Variants in NECTIN3 observed in about 807,000 individuals in gnomAD.
NECTIN3 encodes nectin-3.
In NECTIN3, 8 loss-of-function variants were observed where a neutral mutation model predicts 49.4. The observed-to-expected ratio is 0.16, with a 90% CI of 0.10 to 0.29. The LOEUF (loss-of-function observed/expected upper bound fraction) is 0.29, where lower values mean the gene tolerates loss of function less well. NECTIN3 is among the 10% of genes least tolerant of loss of function. The pLI is 1.00. For synonymous variants in NECTIN3, 277 were observed against 241.1 expected (o/e 1.15, Z -1.38); for missense variants, 581 against 654.6 (o/e 0.89, Z 1.23).
At chr3:111,076,363 A>G (rs998870229) in intron 1 of NECTIN3, among the ~76,000 whole-genome samples, 1 of 152,130 alleles carries the variant, frequency 6.6e-6, no homozygotes, top group Non-Finnish European at 1.5e-5. Context: ...ATCTATTAAA[A>G]TCTTCATAAA....
At chr3:111,141,779 T>C (rs1021655184), downstream of NECTIN3, among the ~76,000 whole-genome samples, 6 of 151,958 alleles carry the variant, frequency 3.9e-5, no homozygotes, top group Non-Finnish European at 7.4e-5. Context: ...TTTTGTCTTG[T>C]TTTCTGCCTC....
At chr3:111,118,568 C>T in intron 2 of NECTIN3, 88 bp from the exon 3 acceptor site, 1 of 1,192,846 alleles carries the variant, frequency 8.4e-7, no homozygotes, top group Non-Finnish European at 1.1e-6. Flanking sequence ...TGTCCTTAAG[C>T]TTGTGAAATA....
Position 111,154,781 on chromosome 3 carries a change from T to C in NECTIN3, c.1221+7297T>C, listed in dbSNP as rs112497108. Among the ~76,000 whole-genome samples, 475 of 152,318 alleles carry C rather than the reference T, an allele frequency of 3.1e-3. 2 individuals are homozygous for C. Among genetic ancestry groups the C allele is most frequent in the African/African-American group, 0.011 (449 of 41,576 alleles). ...TTCATTTGCTGGTTTGTCATCAGTT[T>C]ATATTCTTTGGTGAAATATCTGTTC... On this transcript the variant is annotated intron_variant, in intron 7 of 8. Transcript: ENST00000493615.
chr3:111,105,280 T>TG (rs2033128838), intron 1 of NECTIN3, among the ~76,000 whole-genome samples: 1 of 151,822 alleles, frequency 6.6e-6, no homozygotes, highest in South Asian at 2.1e-4. Flanking sequence ...ATAGCTGGGG[T>TG]GAGCCACCAT....
intron 1 of NECTIN3, among the ~76,000 whole-genome samples, chr3:111,085,937 T>C (rs1169296393): frequency 6.6e-6 from 1 of 152,204 alleles, no homozygotes; most frequent in Non-Finnish European, 1.5e-5. Flanking sequence ...ACCAATAATG[T>C]TTGAGAGTTT....
At position 111,071,984 on chromosome 3, in the gene NECTIN3, C is replaced by T. The variant is rs1472914026; in HGVS notation, c.-34C>T. ...CGCCGGGGCCGGGGGAGCCGGGGGG[C>T]GGGCGGGCGAGCGGGCCGGGGGGAG... On this transcript the variant is annotated 5_prime_UTR_variant, in exon 1 of 6. Coordinates refer to ENST00000485303, the MANE Select transcript of NECTIN3 (RefSeq NM_015480.3). 5 of 1,035,500 alleles carry T rather than the reference C, an allele frequency of 4.8e-6. No homozygotes were observed. The highest frequency in any genetic ancestry group is 2.8e-5 in the African/African-American group (1 of 35,806). The allele number at this position is 1,035,500 out of a possible 1,614,324, so 64.1% of individuals were successfully genotyped here.
chr3:111,188,055 G>A (rs2035753057), upstream of NECTIN3, among the ~76,000 whole-genome samples: 1 of 152,156 alleles, frequency 6.6e-6, no homozygotes, highest in African/African-American at 2.4e-5. Flanking sequence ...GGAATTATTT[G>A]TACTTTCCAC....
intron 5 of NECTIN3, among the ~76,000 whole-genome samples, chr3:111,129,058 T>C (rs974481315): frequency 2.6e-4 from 39 of 152,210 alleles, no homozygotes; most frequent in African/African-American, 7.7e-4. Context: ...GAGTCACTAC[T>C]GGACTCCTTG....
chr3:111,138,602 G>GT (rs1559804294), downstream of NECTIN3, among the ~76,000 whole-genome samples: 1 of 151,350 alleles, frequency 6.6e-6, no homozygotes, highest in African/African-American at 2.4e-5. Context: ...TTGAACCTTC[G>GT]TGACAGTTAT....
chr3:111,183,865 G>C (rs1047713568), intron 7 of NECTIN3, among the ~76,000 whole-genome samples: 2 of 151,764 alleles, frequency 1.3e-5, no homozygotes, highest in African/African-American at 4.8e-5. Flanking sequence ...TACCATTTTG[G>C]GGGTTCACTG....
At chr3:111,163,559 A>G (rs1300584613) in intron 7 of NECTIN3, among the ~76,000 whole-genome samples, 2 of 152,232 alleles carry the variant, frequency 1.3e-5, no homozygotes, top group Admixed American at 1.3e-4. Flanking sequence ...AAATATCAAT[A>G]GAGGTCAGCA....
chr3:111,171,849 G>T (rs1043071117), intron 7 of NECTIN3, among the ~76,000 whole-genome samples: 3 of 152,010 alleles, frequency 2.0e-5, no homozygotes. Context: ...CCCTGCTAAA[G>T]GTCTGTTACA....
At chr3:111,126,718 C>A (rs1346043156) in intron 5 of NECTIN3, among the ~76,000 whole-genome samples, 1 of 151,940 alleles carries the variant, frequency 6.6e-6, no homozygotes, top group Non-Finnish European at 1.5e-5. Context: ...ACACAGTTGT[C>A]TGGTAAATAA....
intron 1 of NECTIN3, among the ~76,000 whole-genome samples, chr3:111,111,203 G>T (rs2033445531): frequency 6.6e-6 from 1 of 152,080 alleles, no homozygotes; most frequent in Admixed American, 6.6e-5. Context: ...GACTATAGTA[G>T]TCATGAATGT....
chr3:111,172,939 G>A (rs1226192897), intron 7 of NECTIN3, among the ~76,000 whole-genome samples: 2 of 152,156 alleles, frequency 1.3e-5, no homozygotes, highest in Admixed American at 1.3e-4. Flanking sequence ...AGTGATAGAA[G>A]ATTTTTTACA....
chr3:111,162,923 T>A (rs1003410141), intron 7 of NECTIN3, among the ~76,000 whole-genome samples: 1 of 152,230 alleles, frequency 6.6e-6, no homozygotes, highest in Non-Finnish European at 1.5e-5. Context: ...AAAAATCTTT[T>A]GGCTTTCTAT....
chr3:111,117,590 A>C (rs1372649922), intron 2 of NECTIN3, among the ~76,000 whole-genome samples: 1 of 152,120 alleles, frequency 6.6e-6, no homozygotes, highest in Non-Finnish European at 1.5e-5. Context: ...CCATGAGAGT[A>C]AAATGTGAAA....
At chr3:111,109,642 T>C (rs888874352) in intron 1 of NECTIN3, among the ~76,000 whole-genome samples, 2 of 152,116 alleles carry the variant, frequency 1.3e-5, no homozygotes, top group African/African-American at 4.8e-5. Context: ...TTAGTTTTGT[T>C]GTATAGCACA....
chr3:111,072,589 G>A (rs1007535207), intron 1 of NECTIN3: 8 of 1,533,986 alleles, frequency 5.2e-6, no homozygotes, highest in Non-Finnish European at 7.0e-6. Context: ...AAACCCTAGG[G>A]ACCGGAGCCC....
Sources: gnomAD v4.1 joint callset for allele counts (sites outside exome capture counted in the v4.1 genomes callset) on GRCh38, gnomAD v4.1.1 for gene constraint, MANE v1.5 for transcripts, NCBI Gene and HGNC (gene_info 2026-07-23, HGNC 2026-07-21) for gene names.